Variants in OPHN1 observed in about 807,000 individuals in gnomAD.
OPHN1 encodes the protein oligophrenin 1.
In OPHN1, 11 loss-of-function variants were observed where a neutral mutation model predicts 60.7. That is an observed-to-expected ratio of 0.18 (90% CI 0.11 to 0.30). The LOEUF (loss-of-function observed/expected upper bound fraction) is 0.30. OPHN1 is among the 10% of genes least tolerant of loss of function. The pLI is 1.00. For missense variants in OPHN1, 449 were observed against 611.0 expected (o/e 0.73, Z 2.80); for synonymous variants, 226 against 222.6 (o/e 1.02, Z -0.14).
At chrX:68,090,242 C>CTGTGTGTGTG (rs10549357) in intron 19 of OPHN1, among the ~76,000 whole-genome samples, 12,464 of 97,944 alleles carry the variant, frequency 0.13, 740 homozygotes, top group Middle Eastern at 0.2. Flanking sequence ...GTGTGTGTGT[C>CTGTGTGTGTG]TGTGTGTGTG....
intron 6 of OPHN1, among the ~76,000 whole-genome samples, chrX:68,214,364 C>T (rs780638910): frequency 1.1e-3 from 126 of 112,276 alleles, no homozygotes; most frequent in African/African-American, 3.8e-3. Flanking sequence ...CAGAAGCATG[C>T]TACTATGGCC....
At chrX:68,137,114 G>C (rs2077223711) in intron 15 of OPHN1, among the ~76,000 whole-genome samples, 1 of 111,877 alleles carries the variant, frequency 8.9e-6, no homozygotes, top group Admixed American at 9.5e-5. Flanking sequence ...ACAAAAACAT[G>C]AGTTAAATCA....
Position 68,064,045 on chromosome X carries a change from G to A in OPHN1, c.1967C>T (p.Pro656Leu). The change falls in exon 21 of 25, where the codon CCT (proline) becomes CTT (leucine). Residue 656 changes from proline to leucine, a missense_variant. Around this residue, in one of 4 missense-constraint regions of OPHN1, gnomAD observed 184 missense variants for 160.5 expected, o/e 1.15. Transcript: ENST00000355520. ...TDPGRKSPSR[P>L]ILDGKLEPCP... ...GGGCTCCAACTTGCCATCCAAAATA[G>A]GCCTGCTTGGGGACTTCCTCCCAGG... The A allele has an allele frequency of 8.3e-7, 1 of 1,210,145 alleles. No individual in the cohort carries two copies. The highest frequency in any genetic ancestry group is 1.1e-6 in the Non-Finnish European group (1 of 895,080).
intron 2 of OPHN1, among the ~76,000 whole-genome samples, chrX:68,340,482 G>T (rs1170026191): frequency 9.0e-6 from 1 of 111,725 alleles, no homozygotes; most frequent in Non-Finnish European, 1.9e-5. Context: ...TTTAACAAAT[G>T]GTGCTGGCAC....
At chrX:68,338,918 TA>T (rs1355922283) in intron 2 of OPHN1, among the ~76,000 whole-genome samples, 11 of 102,994 alleles carry the variant, frequency 1.1e-4, no homozygotes, top group Admixed American at 1.1e-4. Flanking sequence ...CTACTAATAG[TA>T]AAAAAAAAAT....
intron 2 of OPHN1, among the ~76,000 whole-genome samples, chrX:68,417,329 G>A (rs2078804332): frequency 9.0e-6 from 1 of 111,528 alleles, no homozygotes; most frequent in Non-Finnish European, 1.9e-5. Context: ...CTGACCTCAG[G>A]TGATCCACCC....
intron 5 of OPHN1, among the ~76,000 whole-genome samples, chrX:68,273,812 T>C (rs2077980569): frequency 8.9e-6 from 1 of 111,933 alleles, no homozygotes; most frequent in Non-Finnish European, 1.9e-5. Context: ...AGCACTGCTA[T>C]AAAGAAATAC....
chrX:68,340,742 A>G (rs1396391419), intron 2 of OPHN1, among the ~76,000 whole-genome samples: 1 of 111,616 alleles, frequency 9.0e-6, no homozygotes, highest in Admixed American at 9.6e-5. Flanking sequence ...GTGGGATCAC[A>G]CCTGTAATCC....
rs781559899 is a variant in OPHN1 at position 68,044,950 on chromosome X, C to T, written c.*2222G>A. 5.4e-5 allele frequency: 6 copies of T among 111,831 alleles called. No homozygotes were observed. Among genetic ancestry groups the T allele is most frequent in the Non-Finnish European group, 1.1e-4 (6 of 53,174 alleles). The allele number at this position is 111,831 out of a possible 1,213,427, so 9.2% of individuals were successfully genotyped here. On this transcript the variant is annotated 3_prime_UTR_variant, in exon 25 of 25. Transcript: ENST00000355520. ...TGCATCGGTGATTGTGGTATTTTCCCCCAAGAAAACCAGAGTCAAACCATG... is the reference window on the plus strand; with the variant it reads ...TGCATCGGTGATTGTGGTATTTTCCTCCAAGAAAACCAGAGTCAAACCATG...
intron 15 of OPHN1, among the ~76,000 whole-genome samples, chrX:68,121,579 C>G (rs955522019): frequency 9.1e-6 from 1 of 110,191 alleles, no homozygotes; most frequent in Non-Finnish European, 1.9e-5. Flanking sequence ...CTCTGGATCC[C>G]TAAATAAACT....
chrX:68,351,254 C>T (rs1252531246), intron 2 of OPHN1, among the ~76,000 whole-genome samples: 1 of 110,910 alleles, frequency 9.0e-6, no homozygotes, highest in African/African-American at 3.3e-5. Context: ...TTTGATGTCC[C>T]CTCAACCAGA....
chrX:68,265,778 GA>G (rs1309302243), intron 5 of OPHN1, among the ~76,000 whole-genome samples: 2 of 110,681 alleles, frequency 1.8e-5, no homozygotes, highest in Middle Eastern at 4.6e-3. Context: ...TAAAAACCTT[GA>G]AAAAAAATTA....
At chrX:68,416,477 C>T (rs1023902178) in intron 2 of OPHN1, among the ~76,000 whole-genome samples, 43 of 111,358 alleles carry the variant, frequency 3.9e-4, no homozygotes, top group African/African-American at 1.2e-3. Context: ...ACTGTTTCTG[C>T]GCTAGTGAAC....
rs374730944 is a variant in OPHN1 at position 68,297,327 on chromosome X, G to A, written c.250+1674C>T. Among the ~76,000 whole-genome samples, 4 of 111,662 alleles carry A rather than the reference G, an allele frequency of 3.6e-5. No individual in the cohort carries two copies. The Admixed American group carries it at 3.8e-4, about 11-fold the overall frequency. On this transcript the variant is annotated intron_variant, in intron 3 of 24. Coordinates refer to ENST00000355520, the MANE Select transcript of OPHN1 (RefSeq NM_002547.3). ...TAGAGAGGTGAAGTTACTTGCCAAGGTTACAGAGCTATTAAGATGTAGAGG... is the reference window on the plus strand; with the variant it reads ...TAGAGAGGTGAAGTTACTTGCCAAGATTACAGAGCTATTAAGATGTAGAGG...
At chrX:68,133,520 C>T (rs1300971585) in intron 15 of OPHN1, 1 of 455,809 alleles carries the variant, frequency 2.2e-6, no homozygotes, top group Non-Finnish European at 4.2e-6. Flanking sequence ...GGTTTGACAA[C>T]ACATTTCAGC....
intron 5 of OPHN1, among the ~76,000 whole-genome samples, chrX:68,250,111 G>C (rs1297358600): frequency 1.8e-5 from 2 of 112,088 alleles, no homozygotes; most frequent in Middle Eastern, 4.3e-3. Context: ...CGCCCCAAGG[G>C]AAATTGCCTC....
intron 21 of OPHN1, among the ~76,000 whole-genome samples, chrX:68,061,383 G>T (rs977688479): frequency 1.8e-5 from 2 of 111,249 alleles, no homozygotes; most frequent in Non-Finnish European, 3.8e-5. Context: ...TACTGTGTGC[G>T]CTGAGCTGAT....
chrX:68,433,579 C>A (rs1398975900), upstream of OPHN1: 3 of 292,692 alleles, frequency 1.0e-5, no homozygotes, highest in Non-Finnish European at 1.8e-5. Flanking sequence ...CAGCGAAGCC[C>A]GAGGACCAAA....
chrX:68,297,593 C>T (rs1407049912), intron 3 of OPHN1, among the ~76,000 whole-genome samples: 1 of 111,788 alleles, frequency 8.9e-6, no homozygotes, highest in Non-Finnish European at 1.9e-5. Flanking sequence ...TGGAAATAAG[C>T]TATATTTCCA....
Sources: allele counts gnomAD v4.1 joint callset (sites outside exome capture counted in the v4.1 genomes callset), GRCh38; gene constraint gnomAD v4.1.1; regional missense constraint gnomAD v4.1.1; transcripts MANE v1.5; gene names NCBI Gene and HGNC (gene_info 2026-07-23, HGNC 2026-07-21).